Variants in NKAIN3 observed in about 807,000 individuals in gnomAD.
NKAIN3 encodes the protein sodium/potassium transporting ATPase interacting 3, also known as sodium/potassium-transporting ATPase subunit beta-1-interacting protein 3.
In NKAIN3, 25 loss-of-function variants were observed where a neutral mutation model predicts 30.2. That is an observed-to-expected ratio of 0.83 (90% confidence interval 0.60 to 1.16). The LOEUF (loss-of-function observed/expected upper bound fraction) is 1.16. Ranked by LOEUF, NKAIN3 falls within the 50% of genes most tolerant of loss-of-function variation. The pLI is 0.00. For synonymous variants in NKAIN3, 91 were observed against 89.6 expected, an observed-to-expected ratio of 1.02 and a Z score of -0.09; for missense variants, 225 against 254.1, an observed-to-expected ratio of 0.89 and a Z score of 0.78.
At chr8:62,815,168 A>C (rs1818635335) in intron 4 of NKAIN3, among the ~76,000 whole-genome samples, 1 of 152,128 alleles carries the variant, frequency 6.6e-6, no homozygotes, top group African/African-American at 2.4e-5. Flanking sequence ...AGACTAAACC[A>C]GGAAGAAGTT....
At chr8:62,870,442 T>C (rs1820591746) in intron 4 of NKAIN3, among the ~76,000 whole-genome samples, 1 of 136,470 alleles carries the variant, frequency 7.3e-6, no homozygotes, top group African/African-American at 2.8e-5. Context: ...AATATATACA[T>C]ATTATATTGT....
chr8:62,514,952 A>C (rs1807936709), intron 1 of NKAIN3, among the ~76,000 whole-genome samples: 1 of 152,126 alleles, frequency 6.6e-6, no homozygotes, highest in Admixed American at 6.5e-5. Flanking sequence ...TATGAGTGAT[A>C]TGTGATTAAG....
chr8:62,389,884 T>C (rs956340625), intron 1 of NKAIN3, among the ~76,000 whole-genome samples: 1 of 152,226 alleles, frequency 6.6e-6, no homozygotes, highest in African/African-American at 2.4e-5. Flanking sequence ...TGATGTTCTT[T>C]GCTCTTTGTT....
At chr8:62,320,623 T>A (rs1814848913) in intron 1 of NKAIN3, among the ~76,000 whole-genome samples, 1 of 152,222 alleles carries the variant, frequency 6.6e-6, no homozygotes, top group South Asian at 2.1e-4. Context: ...AAATTCTGGA[T>A]TGAAAATTCT....
intron 1 of NKAIN3, among the ~76,000 whole-genome samples, chr8:62,317,523 T>G (rs1814683740): frequency 6.6e-6 from 1 of 152,242 alleles, no homozygotes; most frequent in Admixed American, 6.5e-5. Flanking sequence ...CACCATTTAT[T>G]AAATAGGGAA....
At chr8:62,455,712 G>A (rs911402819) in intron 1 of NKAIN3, among the ~76,000 whole-genome samples, 1 of 152,200 alleles carries the variant, frequency 6.6e-6, no homozygotes, top group African/African-American at 2.4e-5. Context: ...GTTTGAAAAT[G>A]TTCAAGAAAA....
At chr8:62,429,136 T>C (rs1804912671) in intron 1 of NKAIN3, among the ~76,000 whole-genome samples, 1 of 151,964 alleles carries the variant, frequency 6.6e-6, no homozygotes, top group Admixed American at 6.6e-5. Flanking sequence ...ATTAGCTGGC[T>C]GTAAATGTCT....
chr8:62,931,748 A>G (rs1006973897), intron 5 of NKAIN3, among the ~76,000 whole-genome samples: 1 of 152,194 alleles, frequency 6.6e-6, no homozygotes, highest in African/African-American at 2.4e-5. Context: ...AGGACATTAG[A>G]TTTGAATACA....
chr8:62,767,340 C>T (rs923669133), intron 4 of NKAIN3, among the ~76,000 whole-genome samples: 2 of 152,092 alleles, frequency 1.3e-5, no homozygotes, highest in African/African-American at 4.8e-5. Context: ...AAATTCTCAC[C>T]TCCCCTCCAA....
intron 3 of NKAIN3, among the ~76,000 whole-genome samples, chr8:62,640,365 C>G (rs1428149883): frequency 6.6e-6 from 1 of 152,090 alleles, no homozygotes; most frequent in Non-Finnish European, 1.5e-5. Flanking sequence ...TGCCCTCTCT[C>G]TCACCTGCCG....
intron 1 of NKAIN3, among the ~76,000 whole-genome samples, chr8:62,448,276 A>G (rs2129598678): frequency 6.6e-6 from 1 of 151,964 alleles, no homozygotes; most frequent in Non-Finnish European, 1.5e-5. Flanking sequence ...CAGAGACTAC[A>G]AAGAGCTTCT....
At chr8:62,380,858 T>A (rs1157149980) in intron 1 of NKAIN3, among the ~76,000 whole-genome samples, 2 of 152,182 alleles carry the variant, frequency 1.3e-5, no homozygotes, top group Non-Finnish European at 2.9e-5. Context: ...CAATCAAACA[T>A]TCATGTGTGA....
At chr8:62,881,923 G>A (rs1173264666) in intron 4 of NKAIN3, among the ~76,000 whole-genome samples, 1 of 152,172 alleles carries the variant, frequency 6.6e-6, no homozygotes, top group Admixed American at 6.6e-5. Context: ...CGTTGTCAGC[G>A]TTTTTGGAAT....
At chr8:62,737,312 G>A (rs1815707036) in intron 3 of NKAIN3, among the ~76,000 whole-genome samples, 1 of 152,162 alleles carries the variant, frequency 6.6e-6, no homozygotes, top group South Asian at 2.1e-4. Context: ...AAGGACCCTG[G>A]TGAAGCTTTC....
At position 62,366,373 on chromosome 8, in the gene NKAIN3, TGC is replaced by T. The variant is rs1177992360; in HGVS notation, c.54+117247_54+117248del. 3.2e-3 allele frequency among the ~76,000 whole-genome samples: 493 copies of T among 152,072 alleles called. 3 individuals carry two copies. The highest frequency in any genetic ancestry group is 0.011 in the African/African-American group (458 of 41,512). ...TCCCGAGTAGCTGGGATTACAGGCA[TGC>T]ACCACTGTAGTTGATTAATTTTTGT... On this transcript the variant is annotated intron_variant, in intron 1 of 6. Transcript: ENST00000623646.
intron 1 of NKAIN3, among the ~76,000 whole-genome samples, chr8:62,316,298 A>G (rs914120899): frequency 2.0e-5 from 3 of 151,890 alleles, no homozygotes; most frequent in Non-Finnish European, 4.4e-5. Flanking sequence ...TTTTTATTAT[A>G]CTTTAAGTTT....
At chr8:62,394,605 C>T (rs1386357518) in intron 1 of NKAIN3, among the ~76,000 whole-genome samples, 2 of 152,194 alleles carry the variant, frequency 1.3e-5, no homozygotes, top group Admixed American at 1.3e-4. Flanking sequence ...CAAAGGCGCT[C>T]CTCACTTCCC....
intron 4 of NKAIN3, among the ~76,000 whole-genome samples, chr8:62,853,577 T>C (rs910482794): frequency 7.2e-5 from 11 of 152,134 alleles, no homozygotes; most frequent in African/African-American, 1.9e-4. Flanking sequence ...TCTAATTGTG[T>C]TTATTTGAAT....
At chr8:62,903,571 G>T (rs958985212) in intron 4 of NKAIN3, among the ~76,000 whole-genome samples, 2 of 152,108 alleles carry the variant, frequency 1.3e-5, no homozygotes, top group African/African-American at 4.8e-5. Context: ...TGGCCACAAA[G>T]CATGGGGAGA....
Sources: gnomAD v4.1 joint callset for allele counts (sites outside exome capture counted in the v4.1 genomes callset) on GRCh38, gnomAD v4.1.1 for gene constraint, MANE v1.5 for transcripts, NCBI Gene and HGNC (gene_info 2026-07-23, HGNC 2026-07-21) for gene names.